Variants in SKAP1 observed in about 807,000 individuals in gnomAD.
SKAP1 encodes src kinase-associated phosphoprotein 1.
SKAP1 carries 44 observed loss-of-function variants against 58.5 expected under a neutral mutation model. That is an observed-to-expected ratio of 0.75 (90% CI 0.59 to 0.97). The LOEUF is 0.97. Ranked by LOEUF, SKAP1 falls within the 50% of genes least tolerant of loss-of-function variation. SKAP1 has a pLI of 0.00. For synonymous variants in SKAP1, 127 were observed against 149.7 expected (o/e 0.85, Z 1.11); for missense variants, 390 against 435.2 (o/e 0.90, Z 0.92).
At chr17:48,373,141 A>C (rs1421977373) in intron 2 of SKAP1, among the ~76,000 whole-genome samples, 1 of 152,172 alleles carries the variant, frequency 6.6e-6, no homozygotes, top group Non-Finnish European at 1.5e-5. Flanking sequence ...GGTTTAACTG[A>C]CTCACACTTC....
At chr17:48,327,318 C>T (rs1352797032) in intron 4 of SKAP1, among the ~76,000 whole-genome samples, 1 of 152,192 alleles carries the variant, frequency 6.6e-6, no homozygotes, top group Non-Finnish European at 1.5e-5. Context: ...AAAGTGATCA[C>T]TGAATATTAA....
intron 2 of SKAP1, among the ~76,000 whole-genome samples, chr17:48,375,191 T>A (rs1210909253): frequency 6.6e-6 from 1 of 152,078 alleles, no homozygotes; most frequent in Non-Finnish European, 1.5e-5. Context: ...TGGTCTTGAG[T>A]CTATATTTAC....
intron 4 of SKAP1, chr17:48,294,342 AC>A (rs2065936958): frequency 6.6e-6 from 1 of 152,172 alleles, no homozygotes; most frequent in Admixed American, 6.6e-5. Context: ...TTTTTTTCTA[AC>A]TAGCAATTTC....
intron 1 of SKAP1, among the ~76,000 whole-genome samples, chr17:48,425,888 TATTAC>T (rs1162606869): frequency 1.3e-5 from 2 of 152,296 alleles, no homozygotes; most frequent in East Asian, 3.9e-4. Context: ...CTAAACAATA[TATTAC>T]CATAAAGTAT....
At chr17:48,376,734 A>G (rs1206498932) in intron 2 of SKAP1, among the ~76,000 whole-genome samples, 1 of 152,238 alleles carries the variant, frequency 6.6e-6, no homozygotes, top group Non-Finnish European at 1.5e-5. Context: ...GTGAGGGACT[A>G]AGAGCACAGA....
chr17:48,311,854 G>T (rs994632057), intron 4 of SKAP1, among the ~76,000 whole-genome samples: 6 of 152,142 alleles, frequency 3.9e-5, no homozygotes, highest in African/African-American at 1.4e-4. Flanking sequence ...GACACAAAAA[G>T]ATAGAGCTGT....
At chr17:48,189,381 C>G (rs372905996) in intron 5 of SKAP1, 42 bp downstream of exon 5, 3 of 1,512,504 alleles carry the variant, frequency 2.0e-6, no homozygotes, top group Non-Finnish European at 2.7e-6. Context: ...CACTTCCCTT[C>G]CCTTCCTGGA....
chr17:48,234,768 A>G (rs551162550), intron 4 of SKAP1, among the ~76,000 whole-genome samples: 2 of 152,276 alleles, frequency 1.3e-5, no homozygotes, highest in Non-Finnish European at 2.9e-5. Flanking sequence ...GAATGTGATG[A>G]GTAAAAAGCA....
intron 1 of SKAP1, among the ~76,000 whole-genome samples, chr17:48,426,891 C>A (rs955690990): frequency 6.6e-6 from 1 of 151,710 alleles, no homozygotes; most frequent in African/African-American, 2.4e-5. Flanking sequence ...CCCCTCAGGG[C>A]TAAAAAGAGA....
intron 4 of SKAP1, among the ~76,000 whole-genome samples, chr17:48,218,364 C>A (rs1293001752): frequency 1.4e-4 from 22 of 152,176 alleles, no homozygotes; most frequent in Admixed American, 1.4e-3. Flanking sequence ...GATTTTACAA[C>A]CTCTCTTTGC....
At chr17:48,282,549 G>A (rs569387800) in intron 4 of SKAP1, among the ~76,000 whole-genome samples, 1 of 152,282 alleles carries the variant, frequency 6.6e-6, no homozygotes, top group African/African-American at 2.4e-5. Flanking sequence ...CAAGGCAGGA[G>A]GATTGCTTGA....
At chr17:48,402,175 G>A (rs1312974720) in intron 1 of SKAP1, among the ~76,000 whole-genome samples, 2 of 152,174 alleles carry the variant, frequency 1.3e-5, no homozygotes, top group African/African-American at 2.4e-5. Context: ...TGGTAGGAAT[G>A]TAAAACAGTG....
At position 48,223,063 on chromosome 17, in the gene SKAP1, C is replaced by CAAAAAA. The variant is rs71141973; in HGVS notation, c.281-33569_281-33564dup. ...TGGGCGACAGGGTGAGACTCCGTCT[C>CAAAAAA]AAAAAAAAAAAAAAAAAAAAAAAGC... On this transcript the variant is annotated intron_variant, in intron 4 of 12. Transcript: ENST00000336915. Among the ~76,000 whole-genome samples, 6 of 70,098 alleles carry CAAAAAA rather than the reference C, an allele frequency of 8.6e-5. 1 individual carries two copies. The highest frequency in any genetic ancestry group is 2.0e-4 in the Admixed American group (1 of 4,960). The allele number at this position is 70,098 out of a possible 152,430, so 46.0% of individuals were successfully genotyped here.
intron 2 of SKAP1, among the ~76,000 whole-genome samples, chr17:48,389,013 C>T (rs1409616232): frequency 6.6e-6 from 1 of 152,112 alleles, no homozygotes; most frequent in Non-Finnish European, 1.5e-5. Context: ...ATAATGAGAA[C>T]CTCAACAAGG....
chr17:48,297,567 T>C lies in SKAP1; in HGVS notation c.280+48338A>G, dbSNP rs972101379. Among the ~76,000 whole-genome samples the C allele has an allele frequency of 3.3e-5, 5 of 152,180 alleles. No individual in the cohort carries two copies. The South Asian group carries it at 1.0e-3, about 31-fold the overall frequency. ...AATCAGACCTACCACCCTTTTAGGG[T>C]ATTAACCAATTAAAAGTAGAGTCTC... On this transcript the variant is annotated intron_variant, in intron 4 of 12. Coordinates refer to ENST00000336915, the MANE Select transcript of SKAP1 (RefSeq NM_003726.4).
intron 2 of SKAP1, among the ~76,000 whole-genome samples, chr17:48,368,725 T>G (rs551874893): frequency 6.6e-6 from 1 of 152,316 alleles, no homozygotes; most frequent in East Asian, 1.9e-4. Flanking sequence ...TGATGATCAT[T>G]TTTACATTCA....
At chr17:48,327,194 T>G (rs1458764393) in intron 4 of SKAP1, among the ~76,000 whole-genome samples, 1 of 152,038 alleles carries the variant, frequency 6.6e-6, no homozygotes, top group Non-Finnish European at 1.5e-5. Context: ...CCCAGCATAA[T>G]AAGAAAATTG....
In SKAP1 at chr17:48,174,231, A is replaced by G. The variant is rs183118626; in HGVS notation, c.827-3572T>C. Among the ~76,000 whole-genome samples, 145 of 152,318 alleles carry G rather than the reference A, an allele frequency of 9.5e-4. 1 individual carries two copies. Among genetic ancestry groups the G allele is most frequent in the African/African-American group, 2.8e-3 (115 of 41,574 alleles). Reference sequence around the variant, plus strand: ...CTACGATGATGGATGTAAACGGGGAAGCTCCAATCCCCACATCTGTTTTAT... The same window carrying G: ...CTACGATGATGGATGTAAACGGGGAGGCTCCAATCCCCACATCTGTTTTAT... On this transcript the variant is annotated intron_variant, in intron 9 of 12. Coordinates refer to ENST00000336915, the MANE Select transcript of SKAP1 (RefSeq NM_003726.4).
At chr17:48,398,715 C>T (rs2067453989) in intron 1 of SKAP1, among the ~76,000 whole-genome samples, 1 of 152,080 alleles carries the variant, frequency 6.6e-6, no homozygotes, top group Non-Finnish European at 1.5e-5. Context: ...TGGTGGCTCA[C>T]GCCTGTAATC....
Sources: allele counts gnomAD v4.1 joint callset (sites outside exome capture counted in the v4.1 genomes callset), GRCh38; gene constraint gnomAD v4.1.1; transcripts MANE v1.5; gene names NCBI Gene and HGNC (gene_info 2026-07-23, HGNC 2026-07-21).